The following SORBS2 variants were observed in gnomAD, a reference collection of about 807,000 sequenced individuals.
SORBS2 encodes sorbin and SH3 domain-containing protein 2.
In SORBS2, 46 loss-of-function variants were observed where a neutral mutation model predicts 97.7. That is an observed-to-expected ratio of 0.47 (90% CI 0.37 to 0.60). The LOEUF is 0.60. Among genes scored for constraint, SORBS2 ranks in the 20% least tolerant of loss-of-function variants. The pLI is 0.00. For missense variants in SORBS2, 1,316 were observed against 1,282.3 expected (o/e 1.03, Z -0.40); for synonymous variants, 476 against 473.4 (o/e 1.01, Z -0.07).
intron 1 of SORBS2, among the ~76,000 whole-genome samples, chr4:185,924,869 C>T (rs1342324829): frequency 6.6e-6 from 1 of 152,142 alleles, no homozygotes; most frequent in Non-Finnish European, 1.5e-5. Context: ...ACTTTTCGCT[C>T]CATGAAACCA....
chr4:185,685,461 A>T (rs1012703890), intron 2 of SORBS2, among the ~76,000 whole-genome samples: 1 of 152,224 alleles, frequency 6.6e-6, no homozygotes, highest in African/African-American at 2.4e-5. Flanking sequence ...TAGCCTTATT[A>T]AAATAAAAGT....
upstream of SORBS2, among the ~76,000 whole-genome samples, chr4:185,657,932 G>A (rs1285531779): frequency 3.3e-5 from 5 of 152,152 alleles, no homozygotes. Context: ...GCAGGATAGG[G>A]GGAGCAAGAA....
intron 1 of SORBS2, among the ~76,000 whole-genome samples, chr4:185,807,560 A>G (rs970380930): frequency 2.0e-5 from 3 of 152,192 alleles, no homozygotes; most frequent in Non-Finnish European, 2.9e-5. Flanking sequence ...ACACCAAAGT[A>G]AAAACCCGTC....
intron 4 of SORBS2, chr4:185,677,391 G>A: frequency 6.4e-7 from 1 of 1,552,352 alleles, no homozygotes; most frequent in African/African-American, 1.4e-5. Context: ...GCTGGAAGCT[G>A]CTGGTAGTGG....
intron 11 of SORBS2, among the ~76,000 whole-genome samples, chr4:185,612,416 G>GC (rs2096554190): frequency 6.6e-6 from 1 of 152,094 alleles, no homozygotes; most frequent in African/African-American, 2.4e-5. Context: ...GTGAGGGTCT[G>GC]TCTGAAATGG....
intron 1 of SORBS2, among the ~76,000 whole-genome samples, chr4:185,832,884 T>C (rs865780765): frequency 6.6e-6 from 1 of 152,200 alleles, no homozygotes; most frequent in Non-Finnish European, 1.5e-5. Context: ...AAAACTATCA[T>C]TCATGATTAG....
intron 1 of SORBS2, among the ~76,000 whole-genome samples, chr4:185,813,468 C>T (rs964227546): frequency 3.9e-5 from 6 of 152,166 alleles, no homozygotes; most frequent in Non-Finnish European, 7.3e-5. Context: ...GAGTCCTCAC[C>T]GCTTCAGATC....
chr4:185,833,187 A>G (rs1443444949), intron 1 of SORBS2, among the ~76,000 whole-genome samples: 3 of 152,218 alleles, frequency 2.0e-5, no homozygotes, highest in Middle Eastern at 3.2e-3. Flanking sequence ...CCATCTGACT[A>G]TAACTACCAT....
chr4:185,673,641 G>A (rs1232583349), intron 4 of SORBS2, among the ~76,000 whole-genome samples: 1 of 152,160 alleles, frequency 6.6e-6, no homozygotes, highest in African/African-American at 2.4e-5. Flanking sequence ...ATGAATGGTT[G>A]CTATCATTGT....
intron 1 of SORBS2, among the ~76,000 whole-genome samples, chr4:185,883,522 A>T (rs1280401743): frequency 1.3e-5 from 2 of 152,208 alleles, no homozygotes; most frequent in African/African-American, 4.8e-5. Flanking sequence ...TATCCAAGAG[A>T]AATGAAAACC....
chr4:185,918,830 G>A (rs1027669873), intron 1 of SORBS2, among the ~76,000 whole-genome samples: 1 of 152,202 alleles, frequency 6.6e-6, no homozygotes, highest in Non-Finnish European at 1.5e-5. Flanking sequence ...CTTCTCTAAT[G>A]ATGATGTAGA....
At chr4:185,917,482 C>T (rs571420592) in intron 1 of SORBS2, among the ~76,000 whole-genome samples, 105 of 152,296 alleles carry the variant, frequency 6.9e-4, no homozygotes, top group African/African-American at 2.4e-3. Context: ...CCTGCCTCGG[C>T]CTCCCAACCT....
chr4:185,671,447 T>C (rs2097711343), intron 4 of SORBS2, among the ~76,000 whole-genome samples: 1 of 152,220 alleles, frequency 6.6e-6, no homozygotes, highest in South Asian at 2.1e-4. Flanking sequence ...CTTGGGCAAC[T>C]TGTTTAATTT....
chr4:185,948,430 T>C (rs1418428247), intron 1 of SORBS2, among the ~76,000 whole-genome samples: 2 of 151,820 alleles, frequency 1.3e-5, no homozygotes, highest in African/African-American at 4.8e-5. Flanking sequence ...GCTATGATAA[T>C]CACTGGTTTC....
rs141385086 is a variant in SORBS2 at position 185,589,274 on chromosome 4, G to A, written c.2953+405C>T. On this transcript the variant is annotated intron_variant, in intron 14 of 14. Coordinates refer to ENST00000418609, the Ensembl canonical transcript of SORBS2. ...GGCATCTACGTCAGACCTAGGAAAC[G>A]GGAGAGCTGTTCACTTAATCTCACT... 3.8e-3 allele frequency: 618 copies of A among 163,108 alleles called. 4 individuals carry two copies. Among genetic ancestry groups the A allele is most frequent in the African/African-American group, 0.014 (587 of 41,738 alleles). 10.1% of individuals were successfully genotyped at this position (163,108 alleles called of 1,614,324 possible).
intron 3 of SORBS2, 82 bp downstream of exon 12, chr4:185,649,385 C>G: frequency 2.3e-5 from 26 of 1,132,904 alleles, no homozygotes. Context: ...GTGGCAGGTG[C>G]ACTGATTCTT....
At chr4:185,663,095 T>TA (rs1470917494) in intron 4 of SORBS2, among the ~76,000 whole-genome samples, 2 of 152,200 alleles carry the variant, frequency 1.3e-5, no homozygotes, top group Admixed American at 1.3e-4. Context: ...TCAGGACTAT[T>TA]AAGCATGCCT....
At chr4:185,712,189 C>T (rs2098425972) in intron 2 of SORBS2, among the ~76,000 whole-genome samples, 1 of 152,154 alleles carries the variant, frequency 6.6e-6, no homozygotes, top group Non-Finnish European at 1.5e-5. Context: ...CCATGCCCCA[C>T]CCCATCCTGT....
intron 4 of SORBS2, chr4:185,677,784 G>T (rs1582535329): frequency 2.1e-6 from 1 of 467,604 alleles, no homozygotes; most frequent in Non-Finnish European, 3.7e-6. Context: ...TATCCATTTT[G>T]TTAGCTAGAT....
Sources: gnomAD v4.1 joint callset for allele counts (sites outside exome capture counted in the v4.1 genomes callset) on GRCh38, gnomAD v4.1.1 for gene constraint, MANE v1.5 for transcripts, NCBI Gene and HGNC (gene_info 2026-07-23, HGNC 2026-07-21) for gene names.